The following RASAL1 variants were observed in gnomAD, a reference collection of about 807,000 sequenced individuals.
The protein encoded by RASAL1 is rasGAP-activating-like protein 1.
Under a neutral mutation model 96.6 loss-of-function variants are expected in RASAL1, and 72 were observed. The observed-to-expected ratio is 0.75, with a 90% CI of 0.62 to 0.91. The LOEUF (loss-of-function observed/expected upper bound fraction) is 0.91, where lower values mean the gene tolerates loss of function less well. RASAL1 is among the 40% of genes least tolerant of loss of function. RASAL1 has a pLI of 0.00. For synonymous variants in RASAL1, 405 were observed against 430.4 expected (o/e 0.94, Z 0.73); for missense variants, 1,016 against 1,072.5 (o/e 0.95, Z 0.74).
At position 113,114,815 on chromosome 12, in the gene RASAL1, T is replaced by A. The variant is rs758044697; in HGVS notation, c.1166A>T (p.Asp389Val). 1 of 1,613,912 alleles carries A rather than the reference T, an allele frequency of 6.2e-7. No individual in the cohort carries two copies. The highest frequency in any genetic ancestry group is 1.1e-5 in the South Asian group (1 of 91,064). The change falls in exon 12 of 21, where the codon GAC becomes GTC. Residue 389 changes from aspartate (D) to valine (V), a missense_variant. Transcript: ENST00000548055. Reference protein sequence around the residue: ...KYMELDPCKMDLGRTRRISFK... With the variant: ...KYMELDPCKMVLGRTRRISFK... ...CTTTGCTCACCGGGTGCGGCCCAGG[T>A]CCATCTTGCAGGGATCCAGCTCCAT... is the stretch of plus-strand genomic sequence containing the variant.
chr12:113,109,529 AG>A (rs1368189043), intron 13 of RASAL1, among the ~76,000 whole-genome samples: 1 of 152,180 alleles, frequency 6.6e-6, no homozygotes, highest in Non-Finnish European at 1.5e-5. Context: ...GACTCAGGGA[AG>A]GGTGCCCCTC....
rs1254190130 is a variant in RASAL1 at position 113,109,765 on chromosome 12, TCCCCTCCATCTGGAGCCCTGAACTGTC to T, written c.1375-1570_1375-1544del. ...CTAGAACTGCCCAGAGGGAGCATCT[TCCCCTCCATCTGGAGCCCTGAACTGTC>T]CCCCTCCATCTGGAGCCCTGAACTG... On this transcript the variant is annotated intron_variant, in intron 13 of 20. Transcript: ENST00000548055. Among the ~76,000 whole-genome samples, 7 of 152,190 alleles carry T rather than the reference TCCCCTCCATCTGGAGCCCTGAACTGTC, an allele frequency of 4.6e-5. No individual in the cohort carries two copies. The East Asian group carries it at 9.7e-4, about 21-fold the overall frequency.
At chr12:113,100,204 C>A in intron 20 of RASAL1, 136 bp from the exon 21 acceptor site, 1 of 1,031,814 alleles carries the variant, frequency 9.7e-7, no homozygotes, top group South Asian at 1.8e-5. Flanking sequence ...TCCCCACACA[C>A]AGCCCTGTGG....
intron 4 of RASAL1, among the ~76,000 whole-genome samples, chr12:113,127,433 C>T (rs1674114): frequency 6.6e-6 from 1 of 152,070 alleles, no homozygotes; most frequent in East Asian, 1.9e-4. Context: ...ATTGCTTGAG[C>T]CCAGGAGTTT....
chr12:113,131,056 C>T lies in RASAL1; in HGVS notation c.66-115G>A, dbSNP rs146436822. 4.1e-4 allele frequency: 295 copies of T among 727,302 alleles called. 3 individuals are homozygous for T. The East Asian group carries it at 6.8e-3, about 17-fold the overall frequency. The allele number at this position is 727,302 out of a possible 1,614,324, so 45.1% of individuals were successfully genotyped here. ...AGGCACAGACAGAGAAGGGGACTTG[C>T]CCAGGGTCACACAGCAAGTCCAGCT... On this transcript the variant is annotated intron_variant, in intron 1 of 20. Coordinates refer to ENST00000548055, the MANE Select transcript of RASAL1 (RefSeq NM_001301202.2).
At chr12:113,120,586 C>G (rs903598338) in intron 5 of RASAL1, among the ~76,000 whole-genome samples, 6 of 151,924 alleles carry the variant, frequency 3.9e-5, no homozygotes, top group Non-Finnish European at 4.4e-5. Context: ...GAAAAACAGG[C>G]AGAAAAACAG....
Position 113,102,079 on chromosome 12 carries a change from C to A in RASAL1, c.2105-70G>T, listed in dbSNP as rs145669580. The A allele has an allele frequency of 3.0e-4, 474 of 1,554,394 alleles. 1 individual carries two copies. The African/African-American group carries it at 5.2e-3, about 17-fold the overall frequency. ...CCAGAAGCCTCCACAGCCAGGCATT[C>A]GCCAAGCCGTGCTCCTTCTTCCTGT... On this transcript the variant is annotated intron_variant, in intron 18 of 20. Coordinates refer to ENST00000548055, the MANE Select transcript of RASAL1 (RefSeq NM_001301202.2).
chr12:113,107,632 A>AG (rs1950699454), intron 14 of RASAL1: 1 of 408,802 alleles, frequency 2.4e-6, no homozygotes, highest in Non-Finnish European at 4.8e-6. Flanking sequence ...AAGGAAAAAA[A>AG]TAAATCAATA....
chr12:113,109,231 A>G (rs926520510), intron 13 of RASAL1, among the ~76,000 whole-genome samples: 1 of 151,874 alleles, frequency 6.6e-6, no homozygotes, highest in African/African-American at 2.4e-5. Flanking sequence ...ATTCAACACC[A>G]GCTACCAAGG....
rs765468735 is a variant in RASAL1, at chr12:113,115,960, T to C, written c.823A>G (p.Met275Val). 6.2e-6 allele frequency: 10 copies of C among 1,607,840 alleles called. No individual in the cohort carries two copies. The highest frequency in any genetic ancestry group is 3.4e-5 in the Admixed American group (2 of 59,258). ...QCYQPLMELL[M>V]ESVQGPAEED... Reference sequence around the variant, plus strand: ...TCTGCTGGCCCCTGCACAGACTCCATGAGCAGCTCCATGAGAGGCTGGTAG... The same window carrying C: ...TCTGCTGGCCCCTGCACAGACTCCACGAGCAGCTCCATGAGAGGCTGGTAG... The change falls in exon 9 of 21, where the codon ATG becomes GTG. Residue 275 changes from methionine (M) to valine (V), a missense_variant. Coordinates refer to ENST00000548055, the MANE Select transcript of RASAL1 (RefSeq NM_001301202.2). The surrounding 1 kb of genome is among the most constrained non-coding windows in gnomAD (Gnocchi z 4.1).
chr12:113,110,045 A>G (rs1224056346), intron 13 of RASAL1, among the ~76,000 whole-genome samples: 1 of 152,188 alleles, frequency 6.6e-6, no homozygotes, highest in Non-Finnish European at 1.5e-5. Flanking sequence ...TACGAGGTCT[A>G]GGCTGTCTGG....
At chr12:113,102,775 T>C (rs1404899175) in intron 18 of RASAL1, among the ~76,000 whole-genome samples, 2 of 152,142 alleles carry the variant, frequency 1.3e-5, no homozygotes, top group Non-Finnish European at 2.9e-5. Context: ...TCCACTCTCA[T>C]CCAGCCCCAC....
chr12:113,133,963 C>T (rs904079170), intron 1 of RASAL1, among the ~76,000 whole-genome samples: 2 of 152,198 alleles, frequency 1.3e-5, no homozygotes, highest in African/African-American at 4.8e-5. Context: ...CCCATCGCCC[C>T]CTCATGACCT....
Position 113,115,157 on chromosome 12 carries a change from C to T in RASAL1, c.1068+43G>A. The T allele has an allele frequency of 6.4e-7, 1 of 1,560,886 alleles. No homozygotes were observed. The highest frequency in any genetic ancestry group is 8.8e-7 in the Non-Finnish European group (1 of 1,132,428). ...CAGGTAGGCACTGGGAAGGAGGTAC[C>T]CGAGGAAGCTGCGCCTGGTCCCGCA... is the stretch of plus-strand genomic sequence containing the variant. On this transcript the variant is annotated intron_variant, in intron 11 of 20. Transcript: ENST00000548055. The surrounding 1 kb of genome is among the most constrained non-coding windows in gnomAD (Gnocchi z 4.1).
chr12:113,117,015 TGTGGATGC>T, intron 8 of RASAL1, 50 bp downstream of exon 8: 1 of 1,401,170 alleles, frequency 7.1e-7, no homozygotes, highest in Non-Finnish European at 9.8e-7. Context: ...GCCCGCAAGC[TGTGGATGC>T]TGCCCGGCAT....
chr12:113,124,074 T>G (rs1951395227), intron 4 of RASAL1, among the ~76,000 whole-genome samples: 1 of 152,040 alleles, frequency 6.6e-6, no homozygotes, highest in East Asian at 1.9e-4. Flanking sequence ...CAAAAAAAGT[T>G]AGGCATGGTG....
Position 113,115,154 on chromosome 12 carries a change from T to C in RASAL1, c.1068+46A>G. 1.9e-6 allele frequency: 3 copies of C among 1,547,576 alleles called. No individual in the cohort carries two copies. Among genetic ancestry groups the C allele is most frequent in the South Asian group, 2.2e-5 (2 of 89,650 alleles). On this transcript the variant is annotated intron_variant, in intron 11 of 20. Coordinates refer to ENST00000548055, the MANE Select transcript of RASAL1 (RefSeq NM_001301202.2). This position sits in a 1 kb window ranked among gnomAD's most constrained non-coding sequence, Gnocchi z 4.1. ...AGCCAGGTAGGCACTGGGAAGGAGG[T>C]ACCCGAGGAAGCTGCGCCTGGTCCC...
chr12:113,123,307 T>C (rs189457620), intron 4 of RASAL1, among the ~76,000 whole-genome samples: 6 of 152,358 alleles, frequency 3.9e-5, no homozygotes, highest in Admixed American at 3.9e-4. Context: ...GTGTGTTTGC[T>C]GATCTTTGAT....
intron 2 of RASAL1, 63 bp from the exon 3 acceptor site, chr12:113,128,241 CCCAG>C: frequency 2.5e-6 from 2 of 812,724 alleles, no homozygotes; most frequent in Non-Finnish European, 4.1e-6. Context: ...CACCTGGAGA[CCCAG>C]ACACACACAC....
Sources: allele counts gnomAD v4.1 joint callset (sites outside exome capture counted in the v4.1 genomes callset), GRCh38; gene constraint gnomAD v4.1.1; non-coding constraint Gnocchi (gnomAD v3.1); transcripts MANE v1.5; gene names NCBI Gene and HGNC (gene_info 2026-07-23, HGNC 2026-07-21).